Variants in KIFAP3 observed in about 807,000 individuals in gnomAD.
KIFAP3 encodes kinesin associated protein 3, also known as kinesin-associated protein 3.
KIFAP3 carries 68 observed loss-of-function variants against 106.5 expected under a neutral mutation model. The ratio of observed to expected loss-of-function variants is 0.64; its 90% CI spans 0.53 to 0.78. KIFAP3 has a LOEUF of 0.78. KIFAP3 is among the 30% of genes least tolerant of loss of function. The pLI is 0.00. For synonymous variants in KIFAP3, 320 were observed against 311.5 expected (o/e 1.03, Z -0.29); for missense variants, 780 against 941.8 (o/e 0.83, Z 2.25).
At chr1:170,035,667 C>A in intron 5 of KIFAP3, 114 bp from the exon 6 acceptor site, 1 of 575,080 alleles carries the variant, frequency 1.7e-6, no homozygotes, top group Non-Finnish European at 3.0e-6. Flanking sequence ...AGAACTGGGA[C>A]AAAAAGTAGG....
intron 10 of KIFAP3, among the ~76,000 whole-genome samples, chr1:170,006,386 T>A (rs1423120343): frequency 6.6e-6 from 1 of 152,186 alleles, no homozygotes; most frequent in African/African-American, 2.4e-5. Context: ...ATATTATTCA[T>A]CTGCCTCTTC....
chr1:170,007,648 C>T (rs6678382), intron 10 of KIFAP3, among the ~76,000 whole-genome samples: 27,862 of 151,936 alleles, frequency 0.18, 2,601 homozygotes, highest in Admixed American at 0.23. Context: ...AAACATTCCA[C>T]GCTCATGGAT....
chr1:170,060,395 T>C (rs1237979615), intron 1 of KIFAP3, among the ~76,000 whole-genome samples: 3 of 152,082 alleles, frequency 2.0e-5, no homozygotes, highest in African/African-American at 7.2e-5. Context: ...AAATCATGAG[T>C]GAAATTCCAT....
At chr1:170,052,962 T>C (rs2102112528) in intron 2 of KIFAP3, among the ~76,000 whole-genome samples, 1 of 152,324 alleles carries the variant, frequency 6.6e-6, no homozygotes, top group East Asian at 1.9e-4. Context: ...TCACCACTCC[T>C]ATTCAACATA....
At position 169,949,598 on chromosome 1, in the gene KIFAP3, ATG is replaced by A. The variant is rs1664626426; in HGVS notation, c.2273+4411_2273+4412del. 2.0e-5 allele frequency among the ~76,000 whole-genome samples: 3 copies of A among 152,272 alleles called. No individual in the cohort carries two copies. In the South Asian group the frequency reaches 6.2e-4, roughly 32 times the overall value. ...GAAAAGTAAAAGTTATAATAAAAAA[ATG>A]GTCCAAAAATATGGTGCAGATACAT... On this transcript the variant is annotated intron_variant, in intron 19 of 19. Transcript: ENST00000361580.
intron 11 of KIFAP3, among the ~76,000 whole-genome samples, chr1:169,985,787 G>C (rs1666793886): frequency 6.9e-6 from 1 of 145,436 alleles, no homozygotes; most frequent in Non-Finnish European, 1.5e-5. Context: ...AAGAGAAAAA[G>C]AAAGAGGGTC....
chr1:170,038,327 A>G lies in KIFAP3; in HGVS notation c.480T>C (p.Ala160=), dbSNP rs1391324678. Residue 160 remains alanine, a synonymous_variant, in exon 5 of 20, where the codon GCT becomes GCC. Coordinates refer to ENST00000361580, the MANE Select transcript of KIFAP3 (RefSeq NM_014970.4). ...GTTCTTCCAAGTTATCAGGATTTCG[A>G]GCAAGCTGCAGGATCAAAGCAGAAC... ...VRGSALILQL[A]RNPDNLEELL... 6.2e-7 allele frequency: 1 copy of G among 1,606,800 alleles called. No individual in the cohort carries two copies. The highest frequency in any genetic ancestry group is 1.1e-5 in the South Asian group (1 of 89,178).
chr1:170,083,863 A>C (rs1333727702), intron 1 of KIFAP3, among the ~76,000 whole-genome samples: 1 of 152,194 alleles, frequency 6.6e-6, no homozygotes, highest in Non-Finnish European at 1.5e-5. Flanking sequence ...CGAAGAGTTG[A>C]TATTTTGTTA....
intron 19 of KIFAP3, among the ~76,000 whole-genome samples, chr1:169,933,515 A>T (rs1333286442): frequency 6.6e-6 from 1 of 152,054 alleles, no homozygotes; most frequent in Non-Finnish European, 1.5e-5. Flanking sequence ...TTTGATGATG[A>T]AGCATGGTAT....
At chr1:169,924,286 G>A (rs922223600) in intron 19 of KIFAP3, among the ~76,000 whole-genome samples, 2 of 152,176 alleles carry the variant, frequency 1.3e-5, no homozygotes, top group Non-Finnish European at 2.9e-5. Flanking sequence ...CTATGGTAAA[G>A]ATCTATTTAT....
At chr1:169,960,859 A>G (rs990437101) in intron 18 of KIFAP3, among the ~76,000 whole-genome samples, 187 bp downstream of exon 18, 6 of 87,766 alleles carry the variant, frequency 6.8e-5, no homozygotes, top group Non-Finnish European at 1.3e-4. Flanking sequence ...TCAAAGACTA[A>G]CTTGGAAAAA....
At chr1:170,020,427 A>C (rs1196780266) in intron 9 of KIFAP3, among the ~76,000 whole-genome samples, 1 of 152,140 alleles carries the variant, frequency 6.6e-6, no homozygotes, top group Non-Finnish European at 1.5e-5. Context: ...CAGAGTCTAG[A>C]AATAGAGGCA....
chr1:170,078,344 C>G (rs1019560541), upstream of KIFAP3, among the ~76,000 whole-genome samples: 9 of 152,002 alleles, frequency 5.9e-5, no homozygotes, highest in Admixed American at 3.3e-4. Flanking sequence ...ATTACCATTT[C>G]TATACCATTT....
intron 18 of KIFAP3, among the ~76,000 whole-genome samples, chr1:169,960,347 T>C (rs1486525423): frequency 2.0e-5 from 3 of 152,036 alleles, no homozygotes; most frequent in Non-Finnish European, 4.4e-5. Context: ...CTTTCCTTCC[T>C]CTCCTCAACT....
intron 10 of KIFAP3, among the ~76,000 whole-genome samples, chr1:169,994,607 T>C (rs1334176012): frequency 6.6e-6 from 1 of 152,080 alleles, no homozygotes; most frequent in African/African-American, 2.4e-5. Flanking sequence ...CTAGTAAGCA[T>C]TTTCACCTTA....
chr1:170,044,439 T>C (rs980539351), intron 3 of KIFAP3, among the ~76,000 whole-genome samples: 1 of 152,186 alleles, frequency 6.6e-6, no homozygotes, highest in Non-Finnish European at 1.5e-5. Context: ...TGTGAGCACA[T>C]CCCAGTGATG....
intron 17 of KIFAP3, among the ~76,000 whole-genome samples, chr1:169,970,620 T>C (rs1023029392): frequency 6.6e-6 from 1 of 152,054 alleles, no homozygotes; most frequent in Non-Finnish European, 1.5e-5. Flanking sequence ...TTTTTTATTA[T>C]TATAGAATAC....
chr1:169,983,741 A>C (rs891625836), intron 12 of KIFAP3, among the ~76,000 whole-genome samples: 3 of 151,920 alleles, frequency 2.0e-5, no homozygotes, highest in African/African-American at 7.2e-5. Flanking sequence ...ACAAATGTTA[A>C]AAACAAAAAT....
At chr1:169,951,655 G>A (rs1200811318) in intron 19 of KIFAP3, among the ~76,000 whole-genome samples, 6 of 151,776 alleles carry the variant, frequency 4.0e-5, no homozygotes, top group Non-Finnish European at 8.9e-5. Context: ...TTGAGCACTA[G>A]AAATTAGAGA....
Sources: gnomAD v4.1 joint callset for allele counts (sites outside exome capture counted in the v4.1 genomes callset) on GRCh38, gnomAD v4.1.1 for gene constraint, MANE v1.5 for transcripts, NCBI Gene and HGNC (gene_info 2026-07-23, HGNC 2026-07-21) for gene names.